Variants in IFITM2 observed in about 807,000 individuals in gnomAD.
The protein encoded by IFITM2 is interferon-induced transmembrane protein 2.
IFITM2 carries 3 observed loss-of-function variants against 5.9 expected under a neutral mutation model. That is an observed-to-expected ratio of 0.51 (90% confidence interval 0.23 to 1.32). IFITM2 has a LOEUF of 1.32. IFITM2 is among the 40% of genes most tolerant of loss of function. The pLI is 0.18. For missense variants in IFITM2, 159 were observed against 175.9 expected (o/e 0.90, Z 0.54); for synonymous variants, 76 against 72.4 (o/e 1.05, Z -0.25).
rs199566167 is a variant in IFITM2, at chr11:309,382, T to C, written c.*217T>C. The C allele has an allele frequency of 3.3e-4, 424 of 1,279,584 alleles. 5 individuals are homozygous for C. The highest frequency in any genetic ancestry group is 1.1e-3 in the South Asian group (72 of 67,766). 79.3% of individuals were successfully genotyped at this position (1,279,584 alleles called of 1,614,324 possible). Reference sequence around the variant, plus strand: ...TTCTACAATGGCATTCAATAAAGTGTATATGTTTCTGGTGCTGCTGTGACT... The same window carrying C: ...TTCTACAATGGCATTCAATAAAGTGCATATGTTTCTGGTGCTGCTGTGACT... On this transcript the variant is annotated 3_prime_UTR_variant, in exon 2 of 2. Transcript: ENST00000616316.
chr11:308,947 C>A lies in IFITM2; in HGVS notation c.247-66C>A, dbSNP rs1280420567. 3.7e-6 allele frequency: 6 copies of A among 1,603,400 alleles called. No homozygotes were observed. The East Asian group carries it at 8.9e-5, about 24-fold the overall frequency. On this transcript the variant is annotated intron_variant, in intron 1 of 1. Transcript: ENST00000616316. ...AGGGCAGGGAGGAGACAGTGAGGAG[C>A]TGGAGCCATAGCACGCGGCTCTCAG...
Position 309,057 on chromosome 11 carries a change from C to T in IFITM2, c.291C>T (p.Ala97=), listed in dbSNP as rs755996452. The change falls in exon 2 of 2, where the codon GCC becomes GCT. Residue 97 remains alanine, a synonymous_variant. Coordinates refer to ENST00000616316, the MANE Select transcript of IFITM2 (RefSeq NM_006435.3). ...KMVGDVTGAQ[A]YASTAKCLNI... ...TTGGCGACGTGACCGGGGCCCAGGCCTATGCCTCCACCGCCAAGTGCCTGA... is the reference window on the plus strand; with the variant it reads ...TTGGCGACGTGACCGGGGCCCAGGCTTATGCCTCCACCGCCAAGTGCCTGA... The T allele has an allele frequency of 1.7e-5, 28 of 1,614,088 alleles. No individual in the cohort carries two copies. The South Asian group carries it at 3.1e-4, about 18-fold the overall frequency.
At position 309,182 on chromosome 11, in the gene IFITM2, G is replaced by C; in HGVS notation, c.*17G>C. The C allele has an allele frequency of 1.2e-6, 2 of 1,614,128 alleles. No homozygotes were observed. Among genetic ancestry groups the C allele is most frequent in the Non-Finnish European group, 1.7e-6 (2 of 1,180,010 alleles). On this transcript the variant is annotated 3_prime_UTR_variant, in exon 2 of 2. Transcript: ENST00000616316. ...CAGCGATAGATCAGGAGGCATCATT[G>C]AGGCCAGGAGCTCTGCCCGTGACCT...
chr11:308,962 G>A (rs375024781), intron 1 of IFITM2, 51 bp from the exon 2 acceptor site: 398 of 1,602,974 alleles, frequency 2.5e-4, no homozygotes, highest in Middle Eastern at 8.7e-4. Flanking sequence ...GCCATAGCAC[G>A]CGGCTCTCAG....
rs117941289 is a variant in IFITM2, at chr11:308,168, G to C, written c.-25G>C. ...GGGAGGGCTCACTGAGAACCATCCC[G>C]GTAACCCGATCACCGCTGGTCACCA... On this transcript the variant is annotated 5_prime_UTR_variant, in exon 1 of 2. Transcript: ENST00000616316. 8 of 1,608,112 alleles carry C rather than the reference G, an allele frequency of 5.0e-6. No homozygotes were observed. The highest frequency in any genetic ancestry group is 1.7e-5 in the Admixed American group (1 of 59,900).
chr11:308,246 C>G lies in IFITM2; in HGVS notation c.54C>G (p.Asn18Lys). 6.2e-7 allele frequency: 1 copy of G among 1,614,210 alleles called. No homozygotes were observed. Among genetic ancestry groups the G allele is most frequent in the Non-Finnish European group, 8.5e-7 (1 of 1,180,042 alleles). ...CTGTCAACAGCGGCCAGCCTCCCAACTACGAGATGCTCAAGGAGGAGCAGG... is the reference window on the plus strand; with the variant it reads ...CTGTCAACAGCGGCCAGCCTCCCAAGTACGAGATGCTCAAGGAGGAGCAGG... ...FSPVNSGQPP[N>K]YEMLKEEQEV... is the part of the protein sequence containing the mutation. Residue 18 changes from asparagine to lysine, a missense_variant, in exon 1 of 2, where the codon AAC becomes AAG. Physicochemically the swap from Asn to Lys is moderately conservative, Grantham distance 94. Transcript: ENST00000616316.
chr11:308,633 T>C (rs1483198281), intron 1 of IFITM2, 195 bp downstream of exon 1: 6 of 926,428 alleles, frequency 6.5e-6, no homozygotes, highest in Non-Finnish European at 1.0e-5. Context: ...ATCTGCCCAG[T>C]GCAGGTCTAG....
At position 308,291 on chromosome 11, in the gene IFITM2, G is replaced by C. The variant is rs776916932; in HGVS notation, c.99G>C (p.Val33=). 3.2e-5 allele frequency: 51 copies of C among 1,613,740 alleles called. No homozygotes were observed. The African/African-American group carries it at 6.0e-4, about 19-fold the overall frequency. ...KEEQEVAMLG[V]PHNPAPPMST... ...AGCAGGAAGTGGCTATGCTGGGGGTGCCCCACAACCCTGCTCCCCCGATGT... is the reference window on the plus strand; with the variant it reads ...AGCAGGAAGTGGCTATGCTGGGGGTCCCCCACAACCCTGCTCCCCCGATGT... The change falls in exon 1 of 2, where the codon GTG becomes GTC. Residue 33 remains valine, a synonymous_variant. Transcript: ENST00000616316.
In IFITM2 at chr11:307,922, G is replaced by A. The variant is rs371550685; in HGVS notation, c.-271G>A. The A allele has an allele frequency of 3.3e-3, 1,066 of 322,538 alleles. 101 individuals carry two copies. The highest frequency in any genetic ancestry group is 0.021 in the South Asian group (430 of 20,138). 20.0% of individuals were successfully genotyped at this position (322,538 alleles called of 1,614,324 possible). A position where few individuals can be genotyped will look rare whatever the true frequency, so the allele number is the denominator to read the frequency against. ...CTGGGGTGTGGAGACTCCCAACACA[G>A]GGGAAGTCTCCAGGACCCCACACCA... is the stretch of plus-strand genomic sequence containing the variant. On this transcript the variant is annotated 5_prime_UTR_variant, in exon 1 of 2. Coordinates refer to ENST00000616316, the MANE Select transcript of IFITM2 (RefSeq NM_006435.3).
rs756870469 is a variant in IFITM2 at position 309,045 on chromosome 11, C to T, written c.279C>T (p.Thr93=). The part of the protein sequence containing the change: ...SRDRKMVGDV[T]GAQAYASTAK... ...ACAGGAAGATGGTTGGCGACGTGAC[C>T]GGGGCCCAGGCCTATGCCTCCACCG... Residue 93 remains threonine (T), a synonymous_variant, in exon 2 of 2, where the codon ACC becomes ACT. Coordinates refer to ENST00000616316, the MANE Select transcript of IFITM2 (RefSeq NM_006435.3). The T allele has an allele frequency of 5.6e-6, 9 of 1,614,026 alleles. No homozygotes were observed. Among genetic ancestry groups the T allele is most frequent in the East Asian group, 2.2e-5 (1 of 44,900 alleles).
At chr11:308,803 C>T (rs1325088588) in intron 1 of IFITM2, 3 of 736,332 alleles carry the variant, frequency 4.1e-6, no homozygotes, top group Non-Finnish European at 7.4e-6. Flanking sequence ...TCACAGGTGA[C>T]TTCACCCCAT....
Position 309,179 on chromosome 11 carries a change from A to G in IFITM2, c.*14A>G. ...GCCCAGCGATAGATCAGGAGGCATC[A>G]TTGAGGCCAGGAGCTCTGCCCGTGA... On this transcript the variant is annotated 3_prime_UTR_variant, in exon 2 of 2. Coordinates refer to ENST00000616316, the MANE Select transcript of IFITM2 (RefSeq NM_006435.3). 6.2e-7 allele frequency: 1 copy of G among 1,614,116 alleles called. No homozygotes were observed. The highest frequency in any genetic ancestry group is 8.5e-7 in the Non-Finnish European group (1 of 1,180,014).
In IFITM2 at chr11:309,010, C is replaced by T. The variant is rs1438881362; in HGVS notation, c.247-3C>T. The stretch of plus-strand genomic sequence containing the variant: ...GGTCCCCTCACCATCTCCTCTCCCC[C>T]AGTCTAGGGACAGGAAGATGGTTGG... On this transcript the variant is annotated splice_polypyrimidine_tract_variant and splice_region_variant and intron_variant, in intron 1 of 1. Transcript: ENST00000616316. The T allele has an allele frequency of 6.2e-7, 1 of 1,612,422 alleles. No homozygotes were observed. Among genetic ancestry groups the T allele is most frequent in the Non-Finnish European group, 8.5e-7 (1 of 1,179,132 alleles).
intron 1 of IFITM2, 23 bp from the exon 2 acceptor site, chr11:308,990 C>T (rs769724000): frequency 1.2e-6 from 2 of 1,608,386 alleles, no homozygotes; most frequent in Non-Finnish European, 1.7e-6. Context: ...ATCCTGGTCC[C>T]CTCACCATCT....
rs1430799464 is a variant in IFITM2, at chr11:308,445, A to G, written c.246+7A>G. 1 of 1,612,486 alleles carries G rather than the reference A, an allele frequency of 6.2e-7. No homozygotes were observed. The highest frequency in any genetic ancestry group is 2.2e-5 in the East Asian group (1 of 44,860). On this transcript the variant is annotated splice_region_variant and intron_variant, in intron 1 of 1. Coordinates refer to ENST00000616316, the MANE Select transcript of IFITM2 (RefSeq NM_006435.3). ...ATTCGCGTACTCCGTGAAGGTGCGT[A>G]TGGCCCTGGCGGAAATCCAGGGGGT...
chr11:309,076 TG>T lies in IFITM2; in HGVS notation c.311del (p.Cys104SerfsTer2), dbSNP rs1845996681. On this transcript the variant is annotated frameshift_variant, in exon 2 of 2. Transcript: ENST00000616316. LOFTEE classifies it low-confidence loss of function (END_TRUNC). ...GAQAYASTAK[C>X]LNIWALILGI... is the part of the protein sequence containing the mutation. ...CCAGGCCTATGCCTCCACCGCCAAG[TG>T]CCTGAACATCTGGGCCCTGATTTTG... 6.2e-7 allele frequency: 1 copy of T among 1,614,122 alleles called. No individual in the cohort carries two copies. Among genetic ancestry groups the T allele is most frequent in the African/African-American group, 1.3e-5 (1 of 74,938 alleles).
chr11:308,503 G>A, intron 1 of IFITM2, 65 bp downstream of exon 1: 2 of 1,597,172 alleles, frequency 1.3e-6, no homozygotes, highest in South Asian at 1.1e-5. Flanking sequence ...CTGCCCACAT[G>A]CTGCCTGGGG....
In IFITM2 at chr11:308,280, A is replaced by G. The variant is rs369960951; in HGVS notation, c.88A>G (p.Met30Val). ...GCTCAAGGAGGAGCAGGAAGTGGCTATGCTGGGGGTGCCCCACAACCCTGC... is the reference window on the plus strand; with the variant it reads ...GCTCAAGGAGGAGCAGGAAGTGGCTGTGCTGGGGGTGCCCCACAACCCTGC... Reference protein sequence around the residue: ...EMLKEEQEVAMLGVPHNPAPP... With the variant: ...EMLKEEQEVAVLGVPHNPAPP... The change falls in exon 1 of 2, where the codon ATG becomes GTG. Residue 30 changes from methionine to valine, a missense_variant. Met to Val is a conservative substitution (Grantham distance 21). Coordinates refer to ENST00000616316, the MANE Select transcript of IFITM2 (RefSeq NM_006435.3). The G allele has an allele frequency of 6.7e-5, 108 of 1,613,862 alleles. No homozygotes were observed. Among genetic ancestry groups the G allele is most frequent in the African/African-American group, 6.0e-4 (45 of 74,934 alleles).
rs766145483 is a variant in IFITM2 at position 308,376 on chromosome 11, T to C, written c.184T>C (p.Phe62Leu). 3 of 1,613,656 alleles carry C rather than the reference T, an allele frequency of 1.9e-6. No homozygotes were observed. Among genetic ancestry groups the C allele is most frequent in the Admixed American group, 1.7e-5 (1 of 59,986 alleles). The stretch of plus-strand genomic sequence containing the variant: ...GCCTGACCATGTGGTCTGGTCCCTG[T>C]TCAACACCCTCTTCATGAACACCTG... ...SVPDHVVWSL[F>L]NTLFMNTCCL... is the part of the protein sequence containing the mutation. The change falls in exon 1 of 2, where the codon TTC becomes CTC. Residue 62 changes from phenylalanine to leucine, a missense_variant. By Grantham distance (22) the Phe-to-Leu change is conservative. Coordinates refer to ENST00000616316, the MANE Select transcript of IFITM2 (RefSeq NM_006435.3).
Sources: allele counts gnomAD v4.1 joint callset, GRCh38; gene constraint gnomAD v4.1.1; transcripts MANE v1.5; gene names NCBI Gene and HGNC (gene_info 2026-07-23, HGNC 2026-07-21).